The following MORN1 variants were observed in gnomAD, a reference collection of about 807,000 sequenced individuals.
MORN1 encodes the protein MORN repeat containing 1.
Under a neutral mutation model 61.9 loss-of-function variants are expected in MORN1, and 67 were observed. That is an observed-to-expected ratio of 1.08 (90% confidence interval 0.89 to 1.33). The LOEUF (loss-of-function observed/expected upper bound fraction) is 1.33, where lower values mean the gene tolerates loss of function less well. MORN1 is among the 40% of genes most tolerant of loss of function. The probability of loss-of-function intolerance (pLI) is 0.00; values close to 1 mark genes in which losing one functional copy is unlikely to be tolerated. For synonymous variants in MORN1, 301 were observed against 292.0 expected, an observed-to-expected ratio of 1.03 and a Z score of -0.31; for missense variants, 752 against 691.2, an observed-to-expected ratio of 1.09 and a Z score of -0.99.
intron 12 of MORN1, among the ~76,000 whole-genome samples, chr1:2,335,411 C>T (rs530128724): frequency 3.9e-5 from 6 of 152,284 alleles, no homozygotes; most frequent in East Asian, 1.9e-4. Flanking sequence ...GAGGAGGTCT[C>T]GAGGGCCCAA....
rs747278077 is a variant in MORN1 at position 2,388,353 on chromosome 1, G to A, written c.149-16C>T. On this transcript the variant is annotated splice_polypyrimidine_tract_variant and intron_variant, in intron 2 of 13. Transcript: ENST00000378531. ...TTCCCGTGACCTGGCAGGAGAAATCGTCACGTGAACTCAGACAGTGGTTGG... is the reference window on the plus strand; with the variant it reads ...TTCCCGTGACCTGGCAGGAGAAATCATCACGTGAACTCAGACAGTGGTTGG... 22 of 1,603,350 alleles carry A rather than the reference G, an allele frequency of 1.4e-5. No individual in the cohort carries two copies. The highest frequency in any genetic ancestry group is 1.2e-4 in the South Asian group (11 of 90,846).
intron 5 of MORN1, chr1:2,385,575 AAC>A (rs1642477640): frequency 7.5e-6 from 3 of 399,384 alleles, no homozygotes; most frequent in African/African-American, 4.2e-5. Flanking sequence ...GTTTTATCTA[AAC>A]ACACAATTGG....
intron 10 of MORN1, among the ~76,000 whole-genome samples, chr1:2,338,901 G>A (rs1641338050): frequency 2.0e-5 from 3 of 152,084 alleles, no homozygotes; most frequent in Non-Finnish European, 2.9e-5. Flanking sequence ...ATCAGCAGCC[G>A]AGGCTCAGCC....
At chr1:2,323,227 G>T (rs187743432) in intron 13 of MORN1, 1 of 985,370 alleles carries the variant, frequency 1.0e-6, no homozygotes, top group Non-Finnish European at 1.2e-6. Flanking sequence ...CGTCACCAAG[G>T]CCTCACTGGC....
At chr1:2,323,396 C>T in intron 13 of MORN1, 1 of 985,426 alleles carries the variant, frequency 1.0e-6, no homozygotes, top group Non-Finnish European at 1.2e-6. Context: ...CCAGAGACAC[C>T]AGACGAAGGG....
At chr1:2,387,115 C>T in intron 4 of MORN1, 1 of 424,164 alleles carries the variant, frequency 2.4e-6, no homozygotes, top group Non-Finnish European at 4.4e-6. Flanking sequence ...ACCTACTGAC[C>T]CCAGGATCAG....
At chr1:2,345,528 G>T (rs1429126092) in intron 10 of MORN1, among the ~76,000 whole-genome samples, 1 of 152,226 alleles carries the variant, frequency 6.6e-6, no homozygotes, top group East Asian at 1.9e-4. Flanking sequence ...GGACCCTCAG[G>T]CCGCTCAGAG....
Position 2,332,062 on chromosome 1 carries a change from T to TCC in MORN1, c.1250+4406_1250+4407insGG, listed in dbSNP as rs1364025725. ...ACAGGCTGGTGTGTCACTTTTCATC[T>TCC]TTGTCGATTTTTTTTTCAGTCATTT... On this transcript the variant is annotated intron_variant, in intron 12 of 13. Transcript: ENST00000378531. The TCC allele has an allele frequency of 4.2e-3, 697 of 167,758 alleles. 10 individuals carry two copies. Among genetic ancestry groups the TCC allele is most frequent in the African/African-American group, 0.016 (657 of 40,834 alleles). 10.4% of individuals were successfully genotyped at this position (167,758 alleles called of 1,614,324 possible). A position where few individuals can be genotyped will look rare whatever the true frequency, so the allele number is the denominator to read the frequency against.
chr1:2,327,771 C>T (rs1226214940), intron 12 of MORN1, among the ~76,000 whole-genome samples: 1 of 152,276 alleles, frequency 6.6e-6, no homozygotes, highest in Non-Finnish European at 1.5e-5. Flanking sequence ...CTGCGCCCGG[C>T]TCCCTCCTCT....
chr1:2,385,466 C>T, intron 5 of MORN1: 1 of 380,772 alleles, frequency 2.6e-6, no homozygotes. Context: ...GGCCGGAGAG[C>T]ACCCCCATCC....
At chr1:2,371,496 A>C (rs1056324312) in intron 8 of MORN1, 1 of 152,302 alleles carries the variant, frequency 6.6e-6, no homozygotes, top group Non-Finnish European at 1.5e-5. Context: ...CCCACAGGGC[A>C]GCTATTACAA....
At chr1:2,370,904 G>A (rs932199109) in intron 8 of MORN1, among the ~76,000 whole-genome samples, 1 of 151,722 alleles carries the variant, frequency 6.6e-6, no homozygotes. Context: ...TGCCCAGGCT[G>A]GTCTTGATCT....
intron 8 of MORN1, among the ~76,000 whole-genome samples, chr1:2,361,299 G>A (rs1042515092): frequency 4.9e-5 from 7 of 143,622 alleles, no homozygotes; most frequent in Admixed American, 1.4e-4. Context: ...ACTCACACCC[G>A]TAATCCCAGC....
chr1:2,323,760 T>C (rs1266376182), intron 13 of MORN1: 158 of 985,198 alleles, frequency 1.6e-4, no homozygotes, highest in Non-Finnish European at 1.8e-4. Context: ...CTGTGGGCCT[T>C]GACAGCTCCC....
In MORN1 at chr1:2,374,556, C is replaced by A; in HGVS notation, c.539G>T (p.Gly180Val). ...LRCADGSTYK[G>V]QWHSDVFSGL... ...ACTGAAGACGTCGCTGTGCCACTGT[C>A]CCTGCAGAGAGAAGGGTGAGGCTCA... is the stretch of plus-strand genomic sequence containing the variant. Residue 180 changes from glycine (G) to valine (V), a missense_variant and splice_region_variant, in exon 7 of 14, where the codon GGA (glycine) becomes GTA (valine). Gly to Val is a moderately radical substitution (Grantham distance 109). Coordinates refer to ENST00000378531, the MANE Select transcript of MORN1 (RefSeq NM_024848.3). The A allele has an allele frequency of 2.5e-6, 4 of 1,586,056 alleles. No homozygotes were observed.
At chr1:2,362,099 G>A (rs1641901720) in intron 8 of MORN1, among the ~76,000 whole-genome samples, 1 of 152,156 alleles carries the variant, frequency 6.6e-6, no homozygotes, top group Non-Finnish European at 1.5e-5. Context: ...GGGCGTGGTG[G>A]CGGGTGCCTG....
chr1:2,324,213 GAACC>G, intron 12 of MORN1, 70 bp from the exon 13 acceptor site: 4 of 1,485,998 alleles, frequency 2.7e-6, no homozygotes, highest in Non-Finnish European at 3.7e-6. Flanking sequence ...TCCCTGACCT[GAACC>G]AGGGCTAGTG....
At chr1:2,387,005 C>A in intron 4 of MORN1, 1 of 197,076 alleles carries the variant, frequency 5.1e-6, no homozygotes, top group Non-Finnish European at 1.1e-5. Context: ...CCTATGAGGA[C>A]CTCAGGGACC....
At chr1:2,387,623 G>A (rs1453309741) in intron 3 of MORN1, 94 bp from the exon 4 acceptor site, 3 of 859,648 alleles carry the variant, frequency 3.5e-6, no homozygotes, top group South Asian at 1.3e-5. Flanking sequence ...TGACACGCAG[G>A]AACCATTCCA....
Sources: gnomAD v4.1 joint callset for allele counts (sites outside exome capture counted in the v4.1 genomes callset) on GRCh38, gnomAD v4.1.1 for gene constraint, MANE v1.5 for transcripts, NCBI Gene and HGNC (gene_info 2026-07-23, HGNC 2026-07-21) for gene names.